The following PAPOLA variants were observed in gnomAD, a reference collection of about 807,000 sequenced individuals.
The protein encoded by PAPOLA is poly(A) polymerase alpha, also known as polynucleotide adenylyltransferase alpha.
A neutral mutation model predicts 100.6 loss-of-function variants in PAPOLA; 15 were observed. The ratio of observed to expected loss-of-function variants is 0.15; its 90% CI spans 0.10 to 0.23. The LOEUF is 0.23. PAPOLA is among the 10% of genes least tolerant of loss of function. PAPOLA has a pLI of 1.00. For missense variants in PAPOLA, 533 were observed against 884.2 expected (o/e 0.60, Z 5.04); for synonymous variants, 293 against 300.0 (o/e 0.98, Z 0.24).
intron 6 of PAPOLA, among the ~76,000 whole-genome samples, chr14:96,531,162 C>T (rs1566847858): frequency 1.3e-5 from 2 of 151,888 alleles, no homozygotes; most frequent in Admixed American, 6.6e-5. Flanking sequence ...CCACCATGCC[C>T]GGCTAATTTT....
intron 19 of PAPOLA, among the ~76,000 whole-genome samples, chr14:96,556,822 G>C (rs969759911): frequency 4.6e-5 from 7 of 152,080 alleles, no homozygotes; most frequent in African/African-American, 1.7e-4. Flanking sequence ...ACTGTACTTG[G>C]TGTTATAGGA....
At chr14:96,523,612 C>A (rs1034235146) in intron 3 of PAPOLA, among the ~76,000 whole-genome samples, 1 of 152,146 alleles carries the variant, frequency 6.6e-6, no homozygotes, top group South Asian at 2.1e-4. Context: ...TTTAAAATAT[C>A]TAAACATAGG....
chr14:96,532,870 T>G (rs1899157453), intron 9 of PAPOLA: 1 of 1,254,738 alleles, frequency 8.0e-7, no homozygotes, highest in Non-Finnish European at 1.0e-6. Flanking sequence ...TTGTACTTCC[T>G]TGCATAAACT....
chr14:96,527,154 TCTCC>T, intron 4 of PAPOLA: 1 of 410,610 alleles, frequency 2.4e-6, no homozygotes, highest in Non-Finnish European at 4.3e-6. Flanking sequence ...AATAATTCCC[TCTCC>T]ACCATGAAAG....
Position 96,555,830 on chromosome 14 carries a change from A to T in PAPOLA, c.1665-17A>T. 1 of 1,267,002 alleles carries T rather than the reference A, an allele frequency of 7.9e-7. No homozygotes were observed. Among genetic ancestry groups the T allele is most frequent in the Non-Finnish European group, 1.1e-6 (1 of 909,432 alleles). The allele number at this position is 1,267,002 out of a possible 1,614,324, so 78.5% of individuals were successfully genotyped here. Reference sequence around the variant, plus strand: ...ATTTTTAAATTTTGAGACAATTTTTAATTTTTTTTTTTTTAGCAGAAACAG... The same window carrying T: ...ATTTTTAAATTTTGAGACAATTTTTTATTTTTTTTTTTTTAGCAGAAACAG... On this transcript the variant is annotated splice_polypyrimidine_tract_variant and intron_variant, in intron 17 of 21. Coordinates refer to ENST00000216277, the MANE Select transcript of PAPOLA (RefSeq NM_032632.5).
chr14:96,532,774 G>T, intron 9 of PAPOLA, 125 bp downstream of exon 9: 1 of 1,400,938 alleles, frequency 7.1e-7, no homozygotes, highest in Non-Finnish European at 9.2e-7. Flanking sequence ...CATGTAGGCA[G>T]CCTTGGAGAT....
intron 17 of PAPOLA, among the ~76,000 whole-genome samples, chr14:96,555,029 C>A (rs564810012): frequency 6.6e-6 from 1 of 151,752 alleles, no homozygotes. Context: ...AGAGAAACTT[C>A]GGGGGAGTAA....
chr14:96,555,302 G>C (rs1901219844), intron 17 of PAPOLA, among the ~76,000 whole-genome samples: 1 of 141,970 alleles, frequency 7.0e-6, no homozygotes, highest in Admixed American at 7.3e-5. Context: ...TTTCAGACTT[G>C]AGCTCAAGCA....
Position 96,509,141 on chromosome 14 carries a change from C to T in PAPOLA, c.8+6541C>T, listed in dbSNP as rs528881152. Among the ~76,000 whole-genome samples, 3 of 152,284 alleles carry T rather than the reference C, an allele frequency of 2.0e-5. No homozygotes were observed. The East Asian group carries it at 5.8e-4, about 29-fold the overall frequency. ...TGACCTCCCAGGCTCAAGGGATCCT[C>T]CCACCTCAGCCTCCCAAGTATCTGG... is the stretch of plus-strand genomic sequence containing the variant. On this transcript the variant is annotated intron_variant, in intron 1 of 21. Coordinates refer to ENST00000216277, the MANE Select transcript of PAPOLA (RefSeq NM_032632.5).
chr14:96,533,962 G>A, intron 9 of PAPOLA: 1 of 985,212 alleles, frequency 1.0e-6, no homozygotes, highest in Non-Finnish European at 1.2e-6. Flanking sequence ...CTTTCATATG[G>A]GACCAAAGTA....
At chr14:96,523,763 T>C (rs1358569979) in intron 3 of PAPOLA, among the ~76,000 whole-genome samples, 1 of 152,160 alleles carries the variant, frequency 6.6e-6, no homozygotes, top group Admixed American at 6.5e-5. Flanking sequence ...ACTAACATGG[T>C]GAAACCCTGT....
At position 96,502,498 on chromosome 14, in the gene PAPOLA, C is replaced by A. The variant is rs531801340; in HGVS notation, c.-95C>A. On this transcript the variant is annotated 5_prime_UTR_variant, in exon 1 of 22. Coordinates refer to ENST00000216277, the MANE Select transcript of PAPOLA (RefSeq NM_032632.5). ...GGTTGGACCCAGGGCTGAGGCAGGC[C>A]CCCCCCTCCCTCCCGCCTCAGTGGA... The A allele has an allele frequency of 3.3e-5, 32 of 980,782 alleles. No homozygotes were observed. The African/African-American group carries it at 3.6e-4, about 11-fold the overall frequency. The allele number at this position is 980,782 out of a possible 1,614,324, so 60.8% of individuals were successfully genotyped here.
intron 1 of PAPOLA, among the ~76,000 whole-genome samples, chr14:96,515,540 A>C (rs376740349): frequency 6.6e-6 from 1 of 152,254 alleles, no homozygotes; most frequent in Non-Finnish European, 1.5e-5. Context: ...TTAGGCTACT[A>C]AAAATAGTTC....
chr14:96,536,952 C>T (rs761826221), intron 11 of PAPOLA, 24 bp from the exon 12 acceptor site: 3 of 1,381,324 alleles, frequency 2.2e-6, no homozygotes, highest in Middle Eastern at 1.8e-4. Flanking sequence ...AGTATGCAAA[C>T]ATTTTAATAT....
Position 96,539,147 on chromosome 14 carries a change from A to T in PAPOLA, c.1115+2087A>T. Among the ~76,000 whole-genome samples the T allele has an allele frequency of 1.3e-5, 2 of 152,242 alleles. 1 individual carries two copies. Among genetic ancestry groups the T allele is most frequent in the Middle Eastern group, 6.8e-3 (2 of 294 alleles). On this transcript the variant is annotated intron_variant, in intron 12 of 21. Transcript: ENST00000216277. ...ATGTAACTAGCAGTAAATCATTAACATTAGGAAATGTGAATACTTACTTCA... is the reference window on the plus strand; with the variant it reads ...ATGTAACTAGCAGTAAATCATTAACTTTAGGAAATGTGAATACTTACTTCA...
intron 16 of PAPOLA, among the ~76,000 whole-genome samples, chr14:96,551,038 T>G (rs1900810195): frequency 6.6e-6 from 1 of 152,238 alleles, no homozygotes; most frequent in South Asian, 2.1e-4. Context: ...GTGTGTGTGT[T>G]TCTTTCTGTA....
chr14:96,555,965 G>C lies in PAPOLA; in HGVS notation c.1765+18G>C. On this transcript the variant is annotated intron_variant, in intron 18 of 21. Transcript: ENST00000216277. ...CTCAGGGGGTAAGGAGATTGGGTTT[G>C]TCAGGTTTGAGAATTCTTACATTAT... 6.6e-7 allele frequency: 1 copy of C among 1,506,056 alleles called. No homozygotes were observed. The highest frequency in any genetic ancestry group is 9.2e-7 in the Non-Finnish European group (1 of 1,083,472). 93.3% of individuals were successfully genotyped at this position (1,506,056 alleles called of 1,614,324 possible). A position where few individuals can be genotyped will look rare whatever the true frequency, so the allele number is the denominator to read the frequency against.
chr14:96,513,163 A>G (rs538809911), intron 1 of PAPOLA, among the ~76,000 whole-genome samples: 3 of 152,194 alleles, frequency 2.0e-5, no homozygotes, highest in Non-Finnish European at 4.4e-5. Context: ...TCCTGGGCTC[A>G]AGAGATCCTC....
At chr14:96,533,347 C>G (rs1899211657) in intron 9 of PAPOLA, 1 of 982,446 alleles carries the variant, frequency 1.0e-6, no homozygotes, top group African/African-American at 1.7e-5. Context: ...ACTCCTGCTC[C>G]TCCCTCTGCA....
Sources: allele counts gnomAD v4.1 joint callset (sites outside exome capture counted in the v4.1 genomes callset), GRCh38; gene constraint gnomAD v4.1.1; transcripts MANE v1.5; gene names NCBI Gene and HGNC (gene_info 2026-07-23, HGNC 2026-07-21).